VAV3: variants seen among roughly 807,000 people sequenced by gnomAD.
VAV3 encodes the protein vav guanine nucleotide exchange factor 3, also known as guanine nucleotide exchange factor VAV3.
In VAV3, 94 loss-of-function variants were observed where a neutral mutation model predicts 131.2. That is an observed-to-expected ratio of 0.72 (90% CI 0.61 to 0.85). The LOEUF (loss-of-function observed/expected upper bound fraction) is 0.85. VAV3 is among the 40% of genes least tolerant of loss of function. The pLI, the probability that VAV3 is intolerant of heterozygous loss-of-function variation, is 0.00. For synonymous variants in VAV3, 349 were observed against 342.0 expected (o/e 1.02, Z -0.22); for missense variants, 939 against 1,002.7 (o/e 0.94, Z 0.86).
At chr1:107,840,332 A>G (rs1668643220) in intron 2 of VAV3, among the ~76,000 whole-genome samples, 1 of 151,488 alleles carries the variant, frequency 6.6e-6, no homozygotes, top group Non-Finnish European at 1.5e-5. Context: ...CTACAAAACA[A>G]CATGTATATT....
In VAV3 at chr1:107,861,998, C is replaced by G. The variant is rs142436520; in HGVS notation, c.321+12903G>C. On this transcript the variant is annotated intron_variant, in intron 2 of 26. Transcript: ENST00000370056. ...ATTTCTGACTGCTCTACGCACTGGC[C>G]TGTCCTGACACCACTGGTCCTCAGA... is the stretch of plus-strand genomic sequence containing the variant. Among the ~76,000 whole-genome samples the G allele has an allele frequency of 1.1e-3, 166 of 151,830 alleles. 5 individuals are homozygous for G. The highest frequency in any genetic ancestry group is 3.0e-3 in the Admixed American group (46 of 15,238).
intron 1 of VAV3, among the ~76,000 whole-genome samples, chr1:107,940,405 T>C (rs1673929139): frequency 1.3e-5 from 2 of 152,178 alleles, no homozygotes; most frequent in East Asian, 3.8e-4. Flanking sequence ...AATCCAGAAT[T>C]TGGCATAACC....
At chr1:107,809,414 C>T (rs952355389) in intron 2 of VAV3, among the ~76,000 whole-genome samples, 9 of 152,272 alleles carry the variant, frequency 5.9e-5, no homozygotes, top group Admixed American at 4.6e-4. Context: ...ATTTCTTTGT[C>T]CTTGGATAGT....
chr1:107,642,812 C>G (rs1487463789), intron 19 of VAV3, 57 bp from the exon 20 acceptor site: 1 of 1,597,820 alleles, frequency 6.3e-7, no homozygotes, highest in Non-Finnish European at 8.5e-7. Context: ...ATGAAGTCTA[C>G]ATGAACTTTA....
intron 25 of VAV3, among the ~76,000 whole-genome samples, chr1:107,592,476 G>A (rs969907351): frequency 6.6e-6 from 1 of 151,988 alleles, no homozygotes; most frequent in Non-Finnish European, 1.5e-5. Flanking sequence ...TAAATATAGT[G>A]ATAGCCATTT....
At chr1:107,913,129 T>TC (rs1241555588) in intron 1 of VAV3, among the ~76,000 whole-genome samples, 6 of 152,166 alleles carry the variant, frequency 3.9e-5, no homozygotes, top group Non-Finnish European at 7.4e-5. Flanking sequence ...CTTTATAGAG[T>TC]CCATACTGTC....
intron 19 of VAV3, among the ~76,000 whole-genome samples, chr1:107,644,073 C>T (rs1335650273): frequency 2.0e-5 from 3 of 152,092 alleles, no homozygotes; most frequent in African/African-American, 7.2e-5. Context: ...AGGTCTCACC[C>T]TAACACCAAC....
intron 20 of VAV3, among the ~76,000 whole-genome samples, chr1:107,632,947 T>C (rs1654614595): frequency 6.6e-6 from 1 of 152,176 alleles, no homozygotes. Flanking sequence ...CCAGAAAATC[T>C]TCAAGTTTAT....
chr1:107,800,460 T>C (rs1450141019), intron 2 of VAV3, among the ~76,000 whole-genome samples: 1 of 152,174 alleles, frequency 6.6e-6, no homozygotes, highest in African/African-American at 2.4e-5. Flanking sequence ...GCTGAACATT[T>C]TTTCGTATAA....
At position 107,617,637 on chromosome 1, in the gene VAV3, G is replaced by GA; in HGVS notation, c.1915-6_1915-5insT. 3.9e-6 allele frequency: 6 copies of GA among 1,557,296 alleles called. No homozygotes were observed. The highest frequency in any genetic ancestry group is 2.4e-5 in the South Asian group (2 of 84,772). Reference sequence around the variant, plus strand: ...TCCAGATGCTAAATTTCTGCCCTAAGGAAAAAAAAAAAATGCCAGTGTTGA... The same window carrying GA: ...TCCAGATGCTAAATTTCTGCCCTAAGAGAAAAAAAAAAAATGCCAGTGTTGA... On this transcript the variant is annotated splice_polypyrimidine_tract_variant and splice_region_variant and intron_variant, in intron 20 of 26. Transcript: ENST00000370056.
intron 2 of VAV3, among the ~76,000 whole-genome samples, chr1:107,869,718 G>A (rs1328619795): frequency 6.6e-6 from 1 of 152,092 alleles, no homozygotes; most frequent in Admixed American, 6.6e-5. Flanking sequence ...GTTATTTAGT[G>A]GTGATCTGAG....
chr1:107,678,269 AT>A (rs1160244318), intron 19 of VAV3, among the ~76,000 whole-genome samples: 4 of 152,204 alleles, frequency 2.6e-5, no homozygotes, highest in Non-Finnish European at 4.4e-5. Context: ...ATTTTTACAC[AT>A]TTACAATTAT....
chr1:107,792,112 C>T (rs1666316554), intron 2 of VAV3, among the ~76,000 whole-genome samples: 1 of 152,324 alleles, frequency 6.6e-6, no homozygotes, highest in East Asian at 1.9e-4. Flanking sequence ...AGCTAACATT[C>T]CCCATTGTTC....
chr1:107,687,519 ATTT>A (rs1460276928), intron 18 of VAV3, among the ~76,000 whole-genome samples: 1 of 151,940 alleles, frequency 6.6e-6, no homozygotes, highest in East Asian at 1.9e-4. Context: ...TTTGTATTTT[ATTT>A]TTCTATGATT....
intron 12 of VAV3, among the ~76,000 whole-genome samples, chr1:107,754,768 C>G (rs984313827): frequency 1.3e-5 from 2 of 152,154 alleles, no homozygotes; most frequent in Non-Finnish European, 2.9e-5. Context: ...ACACCTGGTT[C>G]TTGCCCAACT....
intron 1 of VAV3, among the ~76,000 whole-genome samples, chr1:107,914,598 A>G (rs1672524022): frequency 4.6e-5 from 7 of 152,236 alleles, no homozygotes; most frequent in Admixed American, 4.6e-4. Context: ...CTCTGTTCTT[A>G]TAAAAGACTG....
intron 20 of VAV3, among the ~76,000 whole-genome samples, chr1:107,641,323 TTC>T (rs1276829579): frequency 6.6e-6 from 1 of 152,168 alleles, no homozygotes; most frequent in Non-Finnish European, 1.5e-5. Context: ...CAACAGTCTT[TTC>T]TCTGATTTCT....
At chr1:107,708,471 TG>T (rs1207182999) in intron 15 of VAV3, among the ~76,000 whole-genome samples, 1 of 152,234 alleles carries the variant, frequency 6.6e-6, no homozygotes, top group African/African-American at 2.4e-5. Context: ...GAACTCATTA[TG>T]AATATAACTA....
Position 107,770,629 on chromosome 1 carries a change from G to A in VAV3, c.648+7C>T, listed in dbSNP as rs1282916610. On this transcript the variant is annotated splice_region_variant and intron_variant, in intron 6 of 26. Coordinates refer to ENST00000370056, the MANE Select transcript of VAV3 (RefSeq NM_006113.5). ...TTGGGCATCAAAAATAATACCTGAT[G>A]ACTTACCTTTTCTATTGACTCCAAA... 6.4e-7 allele frequency: 1 copy of A among 1,572,606 alleles called. No homozygotes were observed. The highest frequency in any genetic ancestry group is 1.3e-5 in the African/African-American group (1 of 74,094).
Sources: allele counts gnomAD v4.1 joint callset (sites outside exome capture counted in the v4.1 genomes callset), GRCh38; gene constraint gnomAD v4.1.1; transcripts MANE v1.5; gene names NCBI Gene and HGNC (gene_info 2026-07-23, HGNC 2026-07-21).